MYO5B: variants seen among roughly 807,000 people sequenced by gnomAD.
The protein encoded by MYO5B is myosin VB, also known as unconventional myosin-Vb.
In MYO5B, 143 loss-of-function variants were observed where a neutral mutation model predicts 229.3. That is an observed-to-expected ratio of 0.62 (90% CI 0.54 to 0.72). The LOEUF is 0.72. MYO5B is among the 30% of genes least tolerant of loss of function. The pLI, the probability that MYO5B is intolerant of heterozygous loss-of-function variation, is 0.00. For missense variants in MYO5B, 2,321 were observed against 2,331.0 expected (o/e 1.00, Z 0.09); for synonymous variants, 918 against 885.2 (o/e 1.04, Z -0.66).
chr18:50,013,639 A>G (rs1021680156), intron 4 of MYO5B, among the ~76,000 whole-genome samples: 4 of 152,202 alleles, frequency 2.6e-5, no homozygotes, highest in Admixed American at 6.5e-5. Flanking sequence ...TTTATACAGC[A>G]CAGATGTAAG....
intron 1 of MYO5B, among the ~76,000 whole-genome samples, chr18:50,161,573 T>C (rs2032767238): frequency 6.6e-6 from 1 of 151,940 alleles, no homozygotes. Context: ...CATTCTCTCT[T>C]CCCCTGAAAT....
intron 39 of MYO5B, among the ~76,000 whole-genome samples, chr18:49,827,524 A>G (rs540377813): frequency 8.0e-4 from 122 of 152,344 alleles, no homozygotes; most frequent in African/African-American, 2.9e-3. Flanking sequence ...GAAAAGTACA[A>G]AAACTGAAAT....
At chr18:50,137,475 G>A (rs955160055) in intron 1 of MYO5B, among the ~76,000 whole-genome samples, 2 of 152,200 alleles carry the variant, frequency 1.3e-5, no homozygotes, top group African/African-American at 4.8e-5. Context: ...AGTTTTCTCA[G>A]CTGGAAACGA....
intron 1 of MYO5B, among the ~76,000 whole-genome samples, chr18:50,183,306 C>CAT (rs71169486): frequency 0.021 from 2,303 of 109,800 alleles, 61 homozygotes; most frequent in South Asian, 0.04. Context: ...TCAATTTTAT[C>CAT]ATATATATAT....
At chr18:50,080,855 G>A (rs970748304) in intron 1 of MYO5B, among the ~76,000 whole-genome samples, 2 of 152,176 alleles carry the variant, frequency 1.3e-5, no homozygotes, top group Admixed American at 6.5e-5. Flanking sequence ...TCATGCAGCA[G>A]GGAAGAAGGC....
At chr18:50,048,838 T>C (rs2941747) in intron 2 of MYO5B, among the ~76,000 whole-genome samples, 148,837 of 152,190 alleles carry the variant, frequency 0.98, 72,873 homozygotes, top group East Asian at 1. Flanking sequence ...GCCTGGCCAA[T>C]ATGGTGAAAC....
intron 20 of MYO5B, among the ~76,000 whole-genome samples, chr18:49,903,190 C>G (rs952881013): frequency 1.3e-5 from 2 of 152,104 alleles, no homozygotes; most frequent in Non-Finnish European, 2.9e-5. Context: ...CCTGGTGGCA[C>G]TGAGCTGGAA....
intron 1 of MYO5B, among the ~76,000 whole-genome samples, chr18:50,120,951 C>A (rs1428001590): frequency 1.3e-5 from 2 of 152,174 alleles, no homozygotes; most frequent in African/African-American, 4.8e-5. Context: ...ATGAAGGACT[C>A]TTCTATCCAC....
chr18:50,054,239 G>A (rs113166257), intron 2 of MYO5B, among the ~76,000 whole-genome samples: 9 of 152,130 alleles, frequency 5.9e-5, no homozygotes, highest in African/African-American at 2.2e-4. Flanking sequence ...CTCTCCTCAA[G>A]AGGAGTCCCA....
intron 1 of MYO5B, among the ~76,000 whole-genome samples, chr18:50,107,834 C>T (rs990446272): frequency 2.6e-5 from 4 of 152,102 alleles, no homozygotes. Flanking sequence ...TAACCATGCC[C>T]CCAAGAAGCC....
chr18:50,107,061 A>G (rs2144511064), intron 1 of MYO5B, among the ~76,000 whole-genome samples: 2 of 148,270 alleles, frequency 1.3e-5, no homozygotes, highest in South Asian at 2.2e-4. Flanking sequence ...TGGGCTAGAC[A>G]GAGCTTGGAG....
At chr18:50,076,966 G>T (rs1599002604) in intron 1 of MYO5B, among the ~76,000 whole-genome samples, 1 of 151,194 alleles carries the variant, frequency 6.6e-6, no homozygotes. Flanking sequence ...ATAAAATTTT[G>T]GCAATGTTTC....
At chr18:49,842,096 A>G (rs992827172) in intron 34 of MYO5B, among the ~76,000 whole-genome samples, 15 of 142,864 alleles carry the variant, frequency 1.0e-4, no homozygotes, top group African/African-American at 3.1e-4. Flanking sequence ...CGACCAAAAG[A>G]AAAAAAAAAA....
At chr18:49,901,968 A>G (rs1481010095) in intron 21 of MYO5B, among the ~76,000 whole-genome samples, 3 of 152,234 alleles carry the variant, frequency 2.0e-5, no homozygotes, top group Non-Finnish European at 4.4e-5. Context: ...CCCTCCATGC[A>G]CACCAGCTGC....
At chr18:50,090,389 T>C (rs762333721) in intron 1 of MYO5B, among the ~76,000 whole-genome samples, 1 of 150,870 alleles carries the variant, frequency 6.6e-6, no homozygotes, top group Non-Finnish European at 1.5e-5. Flanking sequence ...ATTATGTCCA[T>C]GTAAGACACA....
At chr18:49,913,451 A>T (rs994960792) in intron 17 of MYO5B, among the ~76,000 whole-genome samples, 3 of 151,874 alleles carry the variant, frequency 2.0e-5, no homozygotes, top group African/African-American at 7.3e-5. Context: ...TTGAATTTTC[A>T]CTCTACATCC....
chr18:49,905,005 CGTT>C (rs2024884132), intron 19 of MYO5B, among the ~76,000 whole-genome samples, 177 bp from the exon 20 acceptor site: 1 of 152,174 alleles, frequency 6.6e-6, no homozygotes, highest in African/African-American at 2.4e-5. Context: ...AGGCATTTGA[CGTT>C]GTGGCTAGAA....
At chr18:50,092,474 C>T (rs142688109) in intron 1 of MYO5B, among the ~76,000 whole-genome samples, 7 of 152,294 alleles carry the variant, frequency 4.6e-5, no homozygotes, top group African/African-American at 1.7e-4. Flanking sequence ...CTCACTAAAG[C>T]AGGGTGTGTC....
chr18:50,160,723 A>C (rs1010549537), intron 1 of MYO5B, among the ~76,000 whole-genome samples: 1 of 151,770 alleles, frequency 6.6e-6, no homozygotes, highest in East Asian at 1.9e-4. Flanking sequence ...ACTTTCACCC[A>C]CTCATCCTAG....
Sources: allele counts gnomAD v4.1 joint callset (sites outside exome capture counted in the v4.1 genomes callset), GRCh38; gene constraint gnomAD v4.1.1; transcripts MANE v1.5; gene names NCBI Gene and HGNC (gene_info 2026-07-23, HGNC 2026-07-21).